Variants in DIDO1 observed in about 807,000 individuals in gnomAD.
DIDO1 encodes death-inducer obliterator 1.
A neutral mutation model predicts 99.4 loss-of-function variants in DIDO1; 16 were observed. That is an observed-to-expected ratio of 0.16 (90% CI 0.11 to 0.24). DIDO1 has a LOEUF of 0.24. Ranked by LOEUF, DIDO1 falls within the 10% of genes least tolerant of loss-of-function variation. The pLI, the probability that DIDO1 is intolerant of heterozygous loss-of-function variation, is 1.00. For synonymous variants in DIDO1, 1,366 were observed against 1,239.1 expected (o/e 1.10, Z -2.15); for missense variants, 2,996 against 3,014.0 (o/e 0.99, Z 0.14).
At chr20:62,936,628 G>C (rs1043291747) in intron 1 of DIDO1, among the ~76,000 whole-genome samples, 5 of 152,164 alleles carry the variant, frequency 3.3e-5, no homozygotes, top group African/African-American at 1.2e-4. Flanking sequence ...CACTTTGGGA[G>C]TCCGAGGCGG....
At chr20:62,927,132 C>G (rs373369785), upstream of DIDO1, among the ~76,000 whole-genome samples, 1 of 152,128 alleles carries the variant, frequency 6.6e-6, no homozygotes, top group African/African-American at 2.4e-5. Context: ...GAGAAAGGAG[C>G]ACAGCGAGGA....
chr20:62,921,813 G>C (rs2065141568), intron 1 of DIDO1, among the ~76,000 whole-genome samples: 1 of 149,874 alleles, frequency 6.7e-6, no homozygotes, highest in Non-Finnish European at 1.5e-5. Flanking sequence ...GTGTGTGTGT[G>C]TATATCCACA....
chr20:62,910,687 C>A, intron 3 of DIDO1, 87 bp downstream of exon 3: 1 of 1,443,014 alleles, frequency 6.9e-7, no homozygotes, highest in Middle Eastern at 1.8e-4. Flanking sequence ...CTCATCCAGC[C>A]CAGCTTTGTA....
At chr20:62,909,509 T>C (rs1182260306) in intron 4 of DIDO1, among the ~76,000 whole-genome samples, 190 bp downstream of exon 4, 1 of 152,180 alleles carries the variant, frequency 6.6e-6, no homozygotes, top group Non-Finnish European at 1.5e-5. Flanking sequence ...AAGTCATTAA[T>C]AGTAGAGGAG....
chr20:62,882,393 T>G lies in DIDO1; in HGVS notation c.3563A>C (p.Asn1188Thr), dbSNP rs1193699506. ...GCAGATTACTAACCCAAGAATTATA[T>G]TCGGACGTGGTGACTCAAGACCTGA... is the stretch of plus-strand genomic sequence containing the variant. ...EGPGLESPRP[N>T]IILGLVICQK... Residue 1188 changes from asparagine (N) to threonine (T), a missense_variant, in exon 16 of 16, where the codon AAT (asparagine) becomes ACT (threonine). Asn to Thr is a moderately conservative substitution (Grantham distance 65). Around this residue, in one of 5 missense-constraint regions of DIDO1, gnomAD observed 135 missense variants for 202.3 expected, o/e 0.67. Coordinates refer to ENST00000395343, the MANE Select transcript of DIDO1 (RefSeq NM_001193369.2). 6.2e-7 allele frequency: 1 copy of G among 1,611,944 alleles called. No homozygotes were observed. Among genetic ancestry groups the G allele is most frequent in the Middle Eastern group, 1.7e-4 (1 of 6,056 alleles).
At chr20:62,907,436 C>T (rs571647083) in intron 4 of DIDO1, 77 bp from the exon 5 acceptor site, 306 of 1,387,582 alleles carry the variant, frequency 2.2e-4, no homozygotes, top group Middle Eastern at 1.5e-3. Flanking sequence ...TGTAAAATCA[C>T]CATTTATAGT....
chr20:62,897,068 G>A, intron 6 of DIDO1, 72 bp from the exon 7 acceptor site: 7 of 1,421,470 alleles, frequency 4.9e-6, no homozygotes, highest in Non-Finnish European at 6.6e-6. Flanking sequence ...CTAAAAAGCA[G>A]ACTTACCCTT....
In DIDO1 at chr20:62,912,905, G is replaced by A. The variant is rs1183590450; in HGVS notation, c.-2-1291C>T. On this transcript the variant is annotated intron_variant, in intron 2 of 15. Coordinates refer to ENST00000395343, the MANE Select transcript of DIDO1 (RefSeq NM_001193369.2). ...AAATTAGCTGGGCATGGTGGCAGGCGCCTGTAATCCCAGATACTTGGGAGG... is the reference window on the plus strand; with the variant it reads ...AAATTAGCTGGGCATGGTGGCAGGCACCTGTAATCCCAGATACTTGGGAGG... Among the ~76,000 whole-genome samples, 14 of 152,236 alleles carry A rather than the reference G, an allele frequency of 9.2e-5. No individual in the cohort carries two copies. The East Asian group carries it at 2.5e-3, about 27-fold the overall frequency.
At chr20:62,934,770 C>T (rs1442001877) in intron 1 of DIDO1, among the ~76,000 whole-genome samples, 1 of 152,182 alleles carries the variant, frequency 6.6e-6, no homozygotes, top group Non-Finnish European at 1.5e-5. Context: ...GCACCTTCAC[C>T]CTGGACTTCC....
rs374259690 is a variant in DIDO1 at position 62,882,241 on chromosome 20, T to C, written c.3715A>G (p.Lys1239Glu). The stretch of plus-strand genomic sequence containing the variant: ...CAGAGTGGATACTTGGAGGGCTTCT[T>C]TTCCGACTGCGGGACTGTGGCTACT... ...PKVATVPQSE[K>E]KPSKYPLCSA... Residue 1239 changes from lysine to glutamate, a missense_variant, in exon 16 of 16, where the codon AAG becomes GAG. By Grantham distance (56) the Lys-to-Glu change is moderately conservative. Transcript: ENST00000395343. 113 of 1,613,798 alleles carry C rather than the reference T, an allele frequency of 7.0e-5. No homozygotes were observed. Among genetic ancestry groups the C allele is most frequent in the Non-Finnish European group, 8.3e-5 (98 of 1,180,034 alleles).
intron 1 of DIDO1, among the ~76,000 whole-genome samples, chr20:62,919,558 A>G (rs190927412): frequency 6.5e-4 from 99 of 152,188 alleles, no homozygotes; most frequent in Non-Finnish European, 9.9e-4. Flanking sequence ...AAAAAAAAAA[A>G]GCAGCAAGGG....
In DIDO1 at chr20:62,880,728, A is replaced by C. The variant is rs57164938; in HGVS notation, c.5228T>G (p.Val1743Gly). The change falls in exon 16 of 16, where the codon GTG (valine) becomes GGG (glycine). Residue 1743 changes from valine (V) to glycine (G), a missense_variant. Val to Gly is a moderately radical substitution (Grantham distance 109). Transcript: ENST00000395343. ...CTGAAACGGGGGCTGAGAGCCCCCCACTTTCTGTCCTGGTGGGGGGAGCGG... is the reference window on the plus strand; with the variant it reads ...CTGAAACGGGGGCTGAGAGCCCCCCCCTTTCTGTCCTGGTGGGGGGAGCGG... ...TAPLPPPGQK[V>G]GGSQPPFQGQ... is the part of the protein sequence containing the mutation. 14,213 of 1,612,638 alleles carry C rather than the reference A, an allele frequency of 8.8e-3. 1,112 individuals carry two copies. The African/African-American group carries it at 0.16, about 19-fold the overall frequency.
At chr20:62,930,581 A>G (rs2065323548), upstream of DIDO1, among the ~76,000 whole-genome samples, 1 of 152,240 alleles carries the variant, frequency 6.6e-6, no homozygotes. Context: ...TAGACAAAAG[A>G]ATAAATGTGA....
At chr20:62,917,238 C>T (rs2065053900) in intron 1 of DIDO1, among the ~76,000 whole-genome samples, 1 of 152,018 alleles carries the variant, frequency 6.6e-6, no homozygotes, top group African/African-American at 2.4e-5. Context: ...ACTATGTTGC[C>T]CAAGCTGGTC....
chr20:62,920,552 T>C (rs948291198), intron 1 of DIDO1, among the ~76,000 whole-genome samples: 7 of 152,248 alleles, frequency 4.6e-5, no homozygotes, highest in Non-Finnish European at 8.8e-5. Context: ...ACACAGCTTA[T>C]CTTCCTAAAA....
chr20:62,919,618 G>A (rs1277098296), intron 1 of DIDO1, among the ~76,000 whole-genome samples: 1 of 152,030 alleles, frequency 6.6e-6, no homozygotes, highest in African/African-American at 2.4e-5. Flanking sequence ...GAAAAATCCA[G>A]AAACAACCTA....
At position 62,879,340 on chromosome 20, in the gene DIDO1, C is replaced by T; in HGVS notation, c.6616G>A (p.Glu2206Lys). Residue 2206 changes from glutamate to lysine, a missense_variant, in exon 16 of 16, where the codon GAG (glutamate) becomes AAG (lysine). Transcript: ENST00000395343. This position sits in a 1 kb window ranked among gnomAD's most constrained non-coding sequence, Gnocchi z 6.3. ...ERDRDKARDR[E>K]RGRDRKDRSK... Reference sequence around the variant, plus strand: ...CGGTCCTTGCGGTCGCGGCCCCGCTCCCTGTCCCTGGCCTTGTCTCGGTCC... The same window carrying T: ...CGGTCCTTGCGGTCGCGGCCCCGCTTCCTGTCCCTGGCCTTGTCTCGGTCC... 2 of 1,554,494 alleles carry T rather than the reference C, an allele frequency of 1.3e-6. No individual in the cohort carries two copies. Among genetic ancestry groups the T allele is most frequent in the Non-Finnish European group, 8.7e-7 (1 of 1,151,534 alleles).
intron 6 of DIDO1, chr20:62,905,203 TC>T: frequency 8.0e-6 from 9 of 1,130,404 alleles, no homozygotes; most frequent in Non-Finnish European, 9.8e-6. Context: ...GAATACCAAG[TC>T]CAAGGCACGC....
chr20:62,937,890 C>A (rs766997891), exon 1 of DIDO1: 31 of 398,400 alleles, frequency 7.8e-5, no homozygotes, highest in Middle Eastern at 6.2e-4. Context: ...AGGGCCGACG[C>A]CTTTTGACTC....
Sources: allele counts gnomAD v4.1 joint callset (sites outside exome capture counted in the v4.1 genomes callset), GRCh38; gene constraint gnomAD v4.1.1; regional missense constraint gnomAD v4.1.1; non-coding constraint Gnocchi (gnomAD v3.1); transcripts MANE v1.5; gene names NCBI Gene and HGNC (gene_info 2026-07-23, HGNC 2026-07-21).